ZBTB46: variants seen among roughly 807,000 people sequenced by gnomAD.
ZBTB46 encodes the protein zinc finger and BTB domain-containing protein 46.
In ZBTB46, 8 loss-of-function variants were observed where a neutral mutation model predicts 44.1. That is an observed-to-expected ratio of 0.18 (90% CI 0.11 to 0.33). The LOEUF is 0.33. Among genes scored for constraint, ZBTB46 ranks in the 10% least tolerant of loss-of-function variants. The probability of loss-of-function intolerance (pLI) is 1.00; values close to 1 mark genes in which losing one functional copy is unlikely to be tolerated. For missense variants in ZBTB46, 651 were observed against 847.7 expected, an observed-to-expected ratio of 0.77 and a Z score of 2.88; for synonymous variants, 409 against 382.3, an observed-to-expected ratio of 1.07 and a Z score of -0.81.
At chr20:63,774,360 T>TAGAGCAGC (rs2092402569) in intron 3 of ZBTB46, among the ~76,000 whole-genome samples, 1 of 152,234 alleles carries the variant, frequency 6.6e-6, no homozygotes, top group African/African-American at 2.4e-5. Flanking sequence ...TATTGTTTTT[T>TAGAGCAGC]AGAGCAGCGT....
chr20:63,771,362 C>T (rs1037005576), intron 3 of ZBTB46, among the ~76,000 whole-genome samples: 1 of 152,166 alleles, frequency 6.6e-6, no homozygotes, highest in African/African-American at 2.4e-5. Context: ...GAGGACACGG[C>T]TCTGCGTCCA....
chr20:63,771,581 C>T (rs1354128033), intron 3 of ZBTB46, among the ~76,000 whole-genome samples: 1 of 151,924 alleles, frequency 6.6e-6, no homozygotes, highest in African/African-American at 2.4e-5. Context: ...CTCTGAGGCG[C>T]TCCTCCACCG....
chr20:63,760,549 T>TC (rs2092264196), intron 3 of ZBTB46, among the ~76,000 whole-genome samples: 1 of 151,896 alleles, frequency 6.6e-6, no homozygotes, highest in African/African-American at 2.4e-5. Context: ...CACTGCAAGC[T>TC]CCGCCTCCTG....
chr20:63,792,981 C>G (rs1271199780), intron 1 of ZBTB46, among the ~76,000 whole-genome samples: 1 of 152,174 alleles, frequency 6.6e-6, no homozygotes, highest in South Asian at 2.1e-4. Flanking sequence ...GCCGGTGTTG[C>G]CTGCCGGGAG....
chr20:63,811,558 C>A (rs1207973683), intron 1 of ZBTB46, among the ~76,000 whole-genome samples: 2 of 152,132 alleles, frequency 1.3e-5, no homozygotes, highest in Non-Finnish European at 2.9e-5. Context: ...AGGAAGATCT[C>A]GGGGGTGCAG....
intron 3 of ZBTB46, among the ~76,000 whole-genome samples, chr20:63,758,734 CTTTTTT>C (rs34323440): frequency 1.5e-5 from 2 of 135,026 alleles, no homozygotes; most frequent in Non-Finnish European, 3.2e-5. Flanking sequence ...AGAGTCACAT[CTTTTTT>C]TTTTTTTTTT....
intron 1 of ZBTB46, among the ~76,000 whole-genome samples, chr20:63,791,495 CAA>C (rs59810640): frequency 1.8e-4 from 11 of 61,208 alleles, no homozygotes; most frequent in South Asian, 6.4e-4. Context: ...GACTCCATCT[CAA>C]AAAAAAAAAA....
chr20:63,779,227 TA>T (rs2092449033), intron 2 of ZBTB46, among the ~76,000 whole-genome samples: 2 of 151,178 alleles, frequency 1.3e-5, no homozygotes, highest in African/African-American at 2.4e-5. Flanking sequence ...TTATTTTATT[TA>T]ATTAATTAAT....
At chr20:63,821,946 C>A (rs1435451876) in intron 1 of ZBTB46, among the ~76,000 whole-genome samples, 2 of 152,184 alleles carry the variant, frequency 1.3e-5, no homozygotes, top group Non-Finnish European at 1.5e-5. Flanking sequence ...ATTCTCAGAG[C>A]ACAAGGCTGT....
chr20:63,780,981 A>T (rs4809342), intron 2 of ZBTB46, among the ~76,000 whole-genome samples: 14,842 of 113,954 alleles, frequency 0.13, 1,154 homozygotes, highest in East Asian at 0.51. Context: ...AAAAAAAAAA[A>T]AATACAAAAA....
intron 1 of ZBTB46, among the ~76,000 whole-genome samples, chr20:63,791,876 C>T (rs1044431924): frequency 5.9e-5 from 9 of 152,226 alleles, no homozygotes; most frequent in Non-Finnish European, 1.2e-4. Context: ...CGCCTGTTCT[C>T]GTCTGCTGGG....
intron 2 of ZBTB46, among the ~76,000 whole-genome samples, chr20:63,784,136 GCC>G (rs1272566061): frequency 4.6e-5 from 7 of 152,180 alleles, no homozygotes; most frequent in African/African-American, 1.7e-4. Context: ...CACAGCCACG[GCC>G]CCCTCCGCTC....
At chr20:63,781,545 C>A (rs147737198) in intron 2 of ZBTB46, among the ~76,000 whole-genome samples, 86 of 152,346 alleles carry the variant, frequency 5.6e-4, no homozygotes, top group Non-Finnish European at 9.0e-4. Flanking sequence ...CATGCCAGCA[C>A]TGTAGGAGGC....
rs75559655 is a variant in ZBTB46 at position 63,794,586 on chromosome 20, G to A, written c.-33-3796C>T. Among the ~76,000 whole-genome samples the A allele has an allele frequency of 4.1e-3, 628 of 152,330 alleles. 4 individuals carry two copies. Among genetic ancestry groups the A allele is most frequent in the African/African-American group, 0.014 (602 of 41,568 alleles). On this transcript the variant is annotated intron_variant, in intron 1 of 4. Coordinates refer to ENST00000245663, the MANE Select transcript of ZBTB46 (RefSeq NM_001369741.1). ...AGCCCAGAACAGGGAAGTTCTAGGA[G>A]AATATTTGAATTTACATTTCAAATT...
At position 63,775,921 on chromosome 20, in the gene ZBTB46, G is replaced by T. The variant is rs1471942088; in HGVS notation, c.979C>A (p.Arg327=). 6.3e-7 allele frequency: 1 copy of T among 1,593,822 alleles called. No individual in the cohort carries two copies. ...SVTEASSSDS[R]GERAELYAQV... ...GCATAGAGCTCGGCCCTCTCTCCTC[G>T]GCTGTCGGAGCTGCTGGCTTCGGTG... Residue 327 remains arginine (R), a synonymous_variant, in exon 3 of 5, where the codon CGA becomes AGA. Transcript: ENST00000245663.
chr20:63,770,357 AG>A (rs1471627694), intron 3 of ZBTB46, among the ~76,000 whole-genome samples: 3 of 147,540 alleles, frequency 2.0e-5, no homozygotes, highest in African/African-American at 7.3e-5. Context: ...AGTAACAGAG[AG>A]GAGGCCCGCC....
chr20:63,796,141 G>C (rs1315891973), intron 1 of ZBTB46, among the ~76,000 whole-genome samples: 1 of 152,196 alleles, frequency 6.6e-6, no homozygotes, highest in African/African-American at 2.4e-5. Context: ...TTAATTTAGG[G>C]GGCAGACTGG....
chr20:63,805,861 C>A (rs2092678084), intron 1 of ZBTB46, among the ~76,000 whole-genome samples: 1 of 152,160 alleles, frequency 6.6e-6, no homozygotes, highest in African/African-American at 2.4e-5. Flanking sequence ...CAACCTCCGC[C>A]TCCTGGGTTC....
At chr20:63,793,745 A>G (rs2092579640) in intron 1 of ZBTB46, among the ~76,000 whole-genome samples, 1 of 152,372 alleles carries the variant, frequency 6.6e-6, no homozygotes, top group East Asian at 1.9e-4. Context: ...AACGGTTCAC[A>G]TCTCCACATA....
Sources: gnomAD v4.1 joint callset for allele counts (sites outside exome capture counted in the v4.1 genomes callset) on GRCh38, gnomAD v4.1.1 for gene constraint, MANE v1.5 for transcripts, NCBI Gene and HGNC (gene_info 2026-07-23, HGNC 2026-07-21) for gene names.